SLC38A12: variants seen among roughly 807,000 people sequenced by gnomAD.
The protein encoded by SLC38A12 is solute carrier family 38 member 12, also known as putative sodium-coupled neutral amino acid transporter 12.
the SLC38A12 span, among the ~76,000 whole-genome samples, chr17:74,803,563 C>T: frequency 1.3e-5 from 2 of 152,222 alleles, no homozygotes; most frequent in African/African-American, 2.4e-5. Context: ...TTGCAGGTCT[C>T]ATCCTGATCC....
chr17:74,838,545 G>T, the SLC38A12 span: 1 of 1,127,114 alleles, frequency 8.9e-7, no homozygotes, highest in Non-Finnish European at 1.1e-6. Flanking sequence ...GTCTGGAACC[G>T]CCCAGCCATG....
At chr17:74,809,257 C>T in the SLC38A12 span, among the ~76,000 whole-genome samples, 12 of 152,156 alleles carry the variant, frequency 7.9e-5, no homozygotes, top group African/African-American at 2.9e-4. Flanking sequence ...GAGGAAGGGA[C>T]CTGGGGAGGT....
the SLC38A12 span, among the ~76,000 whole-genome samples, chr17:74,786,636 A>G: frequency 6.6e-6 from 1 of 152,030 alleles, no homozygotes; most frequent in Non-Finnish European, 1.5e-5. Flanking sequence ...CTGAAGGGGG[A>G]GGGAGTGGGT....
At chr17:74,836,843 A>AT in the SLC38A12 span, 2 of 1,409,796 alleles carry the variant, frequency 1.4e-6, no homozygotes, top group Non-Finnish European at 1.8e-6. The surrounding 1 kb of genome is among the most constrained non-coding windows in gnomAD (Gnocchi z 4.2). Flanking sequence ...TGTTCTCCCC[A>AT]CCCACCTTCC....
At chr17:74,780,143 G>T in the SLC38A12 span, among the ~76,000 whole-genome samples, 1 of 152,250 alleles carries the variant, frequency 6.6e-6, no homozygotes, top group Non-Finnish European at 1.5e-5. Flanking sequence ...GCTGAAGATT[G>T]TTGCGGTTGC....
At chr17:74,782,496 T>C in the SLC38A12 span, among the ~76,000 whole-genome samples, 21 of 152,310 alleles carry the variant, frequency 1.4e-4, no homozygotes, top group Middle Eastern at 3.4e-3. Context: ...TAGAAGGCTC[T>C]TGTTGGTTTT....
chr17:74,812,291 G>A, the SLC38A12 span, among the ~76,000 whole-genome samples: 6 of 152,148 alleles, frequency 3.9e-5, no homozygotes, highest in Non-Finnish European at 5.9e-5. Context: ...CCCTAGCCAC[G>A]TGACCCTGAA....
the SLC38A12 span, chr17:74,788,837 G>A: frequency 2.4e-5 from 39 of 1,613,362 alleles, no homozygotes; most frequent in Admixed American, 3.3e-5. Context: ...CAGCCAACGC[G>A]CAGCTCCACT....
the SLC38A12 span, among the ~76,000 whole-genome samples, chr17:74,804,239 A>C: frequency 6.6e-6 from 1 of 152,250 alleles, no homozygotes; most frequent in African/African-American, 2.4e-5. Flanking sequence ...CCTAGCAGTA[A>C]TTGTTTAATT....
chr17:74,825,945 C>T, the SLC38A12 span, among the ~76,000 whole-genome samples: 1 of 152,202 alleles, frequency 6.6e-6, no homozygotes, highest in Non-Finnish European at 1.5e-5. Flanking sequence ...TTGCTCGGTG[C>T]CACCTTTCAT....
chr17:74,821,853 C>A, the SLC38A12 span, among the ~76,000 whole-genome samples: 1 of 152,212 alleles, frequency 6.6e-6, no homozygotes, highest in Non-Finnish European at 1.5e-5. Context: ...CCCCTCAGCA[C>A]TGGGGAGGGG....
At chr17:74,830,614 A>T in the SLC38A12 span, among the ~76,000 whole-genome samples, 1 of 152,224 alleles carries the variant, frequency 6.6e-6, no homozygotes, top group East Asian at 1.9e-4. Flanking sequence ...TATTAACAAG[A>T]ACCTTGGCTT....
chr17:74,810,399 G>T, the SLC38A12 span, among the ~76,000 whole-genome samples: 1 of 152,202 alleles, frequency 6.6e-6, no homozygotes, highest in Admixed American at 6.5e-5. Flanking sequence ...AGATCAGGGG[G>T]AGCCAAGGAC....
chr17:74,776,630 ATAGGT>A, the SLC38A12 span: 2 of 69,512 alleles, frequency 2.9e-5, no homozygotes, highest in Non-Finnish European at 8.3e-5. Context: ...ACGGGTCGGG[ATAGGT>A]TGGGGCGGGG....
At chr17:74,778,017 A>T in the SLC38A12 span, among the ~76,000 whole-genome samples, 1 of 152,244 alleles carries the variant, frequency 6.6e-6, no homozygotes, top group Non-Finnish European at 1.5e-5. Context: ...GGTTTTGCTC[A>T]TCTCAGCAGT....
At chr17:74,838,839 T>G in the SLC38A12 span, 2 of 1,527,576 alleles carry the variant, frequency 1.3e-6, no homozygotes, top group Non-Finnish European at 8.8e-7. Context: ...GCAGCCATCA[T>G]CAACTTGGCA....
At chr17:74,830,532 G>A in the SLC38A12 span, among the ~76,000 whole-genome samples, 1 of 152,168 alleles carries the variant, frequency 6.6e-6, no homozygotes, top group Non-Finnish European at 1.5e-5. Context: ...CTGAGGACTC[G>A]GATGTTATAA....
chr17:74,778,364 C>T, the SLC38A12 span, among the ~76,000 whole-genome samples: 1 of 152,216 alleles, frequency 6.6e-6, no homozygotes, highest in Non-Finnish European at 1.5e-5. Flanking sequence ...CAGCACTGCC[C>T]TAAGTAGCAA....
At chr17:74,782,450 A>AT in the SLC38A12 span, among the ~76,000 whole-genome samples, 1 of 152,062 alleles carries the variant, frequency 6.6e-6, no homozygotes, top group Non-Finnish European at 1.5e-5. Flanking sequence ...CTGGTTTATC[A>AT]TTGTATCCTC....
Sources: gnomAD v4.1 joint callset for allele counts (sites outside exome capture counted in the v4.1 genomes callset) on GRCh38, gnomAD v4.1.1 for gene constraint, Gnocchi (gnomAD v3.1) non-coding constraint, MANE v1.5 for transcripts, NCBI Gene and HGNC (gene_info 2026-07-23, HGNC 2026-07-21) for gene names.